PRRC2B: variants seen among roughly 807,000 people sequenced by gnomAD.
PRRC2B encodes the protein proline rich coiled-coil 2B.
In PRRC2B, 68 loss-of-function variants were observed where a neutral mutation model predicts 242.3. The ratio of observed to expected loss-of-function variants is 0.28; its 90% CI spans 0.23 to 0.34. The LOEUF is 0.34. Among genes scored for constraint, PRRC2B ranks in the 10% least tolerant of loss-of-function variants. PRRC2B has a pLI of 1.00. For synonymous variants in PRRC2B, 1,228 were observed against 1,173.6 expected (o/e 1.05, Z -0.95); for missense variants, 2,835 against 2,954.8 (o/e 0.96, Z 0.94).
At position 131,474,342 on chromosome 9, in the gene PRRC2B, TGTTTTA is replaced by T. The variant is rs552940275; in HGVS notation, c.2325-106_2325-101del. 2.6e-4 allele frequency: 226 copies of T among 870,792 alleles called. 1 individual carries two copies. Among genetic ancestry groups the T allele is most frequent in the Admixed American group, 1.4e-3 (49 of 35,794 alleles). 53.9% of individuals were successfully genotyped at this position (870,792 alleles called of 1,614,324 possible). ...TTTTTCTAGCTTTCTTTTTAAAAAG[TGTTTTA>T]GTTTTTGTTTTTGTTTTTTCTTTTT... On this transcript the variant is annotated intron_variant, in intron 15 of 31. Coordinates refer to ENST00000683519, the MANE Select transcript of PRRC2B (RefSeq NM_013318.4).
intron 28 of PRRC2B, among the ~76,000 whole-genome samples, chr9:131,488,723 CTCT>C (rs1944098397): frequency 6.6e-6 from 1 of 152,146 alleles, no homozygotes; most frequent in Admixed American, 6.5e-5. Flanking sequence ...TTCTAGACTC[CTCT>C]TCTTCCTTCC....
At chr9:131,405,899 G>GT (rs1479885259) in intron 1 of PRRC2B, among the ~76,000 whole-genome samples, 1 of 152,166 alleles carries the variant, frequency 6.6e-6, no homozygotes, top group African/African-American at 2.4e-5. Flanking sequence ...TAGAAGCTGG[G>GT]TGACCTGGGG....
chr9:131,488,119 C>T (rs1446558884), intron 28 of PRRC2B, 23 bp downstream of exon 28: 2 of 1,604,866 alleles, frequency 1.2e-6, no homozygotes, highest in East Asian at 2.2e-5. Flanking sequence ...GTCACTCTAC[C>T]CAAAGCCCTA....
chr9:131,390,562 A>T (rs1163176731), upstream of PRRC2B, among the ~76,000 whole-genome samples: 3 of 128,866 alleles, frequency 2.3e-5, no homozygotes, highest in African/African-American at 8.6e-5. Context: ...AGCTCAGTGC[A>T]AGCTCTGCCT....
chr9:131,405,857 G>A (rs2131290115), intron 1 of PRRC2B, among the ~76,000 whole-genome samples: 1 of 152,302 alleles, frequency 6.6e-6, no homozygotes, highest in Non-Finnish European at 1.5e-5. Flanking sequence ...CTGCTTTGGG[G>A]TCAGCTGCCT....
At chr9:131,459,474 A>G in intron 11 of PRRC2B, 118 bp downstream of exon 11, 30 of 958,616 alleles carry the variant, frequency 3.1e-5, no homozygotes, top group Non-Finnish European at 4.3e-5. Context: ...CTTTTGTTAA[A>G]ATGTTTTTTC....
chr9:131,470,895 G>A lies in PRRC2B; in HGVS notation c.2019G>A (p.Arg673=). Residue 673 remains arginine, a synonymous_variant, in exon 14 of 32, where the codon AGG becomes AGA. Transcript: ENST00000683519. ...CCCAGATGTTGGGCTTCGATCCCAGGTGGATGATGATGCCTTCCTACATGG... is the reference window on the plus strand; with the variant it reads ...CCCAGATGTTGGGCTTCGATCCCAGATGGATGATGATGCCTTCCTACATGG... ...HHPQMLGFDP[R]WMMMPSYMDP... is the part of the protein sequence containing the mutation. The A allele has an allele frequency of 6.2e-7, 1 of 1,611,582 alleles. No homozygotes were observed. Among genetic ancestry groups the A allele is most frequent in the Admixed American group, 1.7e-5 (1 of 59,578 alleles).
At chr9:131,438,008 C>G (rs761412019) in intron 4 of PRRC2B, among the ~76,000 whole-genome samples, 4 of 152,182 alleles carry the variant, frequency 2.6e-5, no homozygotes, top group African/African-American at 4.8e-5. Context: ...CATCCTGGCA[C>G]TGGCACAGGG....
chr9:131,442,456 C>T (rs115837441), intron 5 of PRRC2B, among the ~76,000 whole-genome samples: 15 of 152,250 alleles, frequency 9.9e-5, no homozygotes, highest in African/African-American at 3.6e-4. Context: ...ACTGGAGCTC[C>T]TTCATGACAC....
intron 1 of PRRC2B, among the ~76,000 whole-genome samples, chr9:131,404,330 C>T (rs913591909): frequency 5.9e-5 from 9 of 151,710 alleles, no homozygotes; most frequent in Non-Finnish European, 1.3e-4. Context: ...AGCAATTCTT[C>T]TGCCTCAGCC....
In PRRC2B at chr9:131,482,366, C is replaced by T. The variant is rs780309363; in HGVS notation, c.4984-5C>T. 4.5e-6 allele frequency: 7 copies of T among 1,571,972 alleles called. No homozygotes were observed. In the East Asian group the frequency reaches 1.1e-4, roughly 25 times the overall value. On this transcript the variant is annotated splice_region_variant and splice_polypyrimidine_tract_variant and intron_variant, in intron 20 of 31. Transcript: ENST00000683519. This position sits in a 1 kb window ranked among gnomAD's most constrained non-coding sequence, Gnocchi z 5.2. Reference sequence around the variant, plus strand: ...AGGCTATAACCCATTTTGTGCTCTGCACAGCAGGGTTTTAAGAGCAGCCAG... The same window carrying T: ...AGGCTATAACCCATTTTGTGCTCTGTACAGCAGGGTTTTAAGAGCAGCCAG...
At chr9:131,440,027 A>C (rs1323457267) in intron 5 of PRRC2B, among the ~76,000 whole-genome samples, 1 of 151,806 alleles carries the variant, frequency 6.6e-6, no homozygotes, top group African/African-American at 2.4e-5. Flanking sequence ...GGCTGGGATC[A>C]CAGGCGCATG....
At chr9:131,420,503 T>TCTTCCTTTCTTCC (rs1465337298) in intron 1 of PRRC2B, among the ~76,000 whole-genome samples, 1 of 93,812 alleles carries the variant, frequency 1.1e-5, no homozygotes, top group African/African-American at 4.3e-5. Context: ...CTTTTTTTTT[T>TCTTCCTTTCTTCC]TTTTTTTGAG....
chr9:131,474,663 G>T lies in PRRC2B; in HGVS notation c.2534G>T (p.Gly845Val), dbSNP rs779330538. ...ENVQDAGAPG[G>V]HTQNLRCSPL... is the part of the protein sequence containing the mutation. ...GTTCAGGATGCAGGTGCTCCTGGGGGTCACACCCAAAACCTCAGGTGTTCC... is the reference window on the plus strand; with the variant it reads ...GTTCAGGATGCAGGTGCTCCTGGGGTTCACACCCAAAACCTCAGGTGTTCC... The change falls in exon 16 of 32, where the codon GGT becomes GTT. Residue 845 changes from glycine to valine, a missense_variant. Around this residue, in one of 7 missense-constraint regions of PRRC2B, gnomAD observed 1,536 missense variants for 1,483.1 expected, o/e 1.04. Coordinates refer to ENST00000683519, the MANE Select transcript of PRRC2B (RefSeq NM_013318.4). 6.2e-7 allele frequency: 1 copy of T among 1,613,610 alleles called. No homozygotes were observed. The highest frequency in any genetic ancestry group is 8.5e-7 in the Non-Finnish European group (1 of 1,179,744).
chr9:131,412,461 C>T (rs1470851747), intron 1 of PRRC2B, among the ~76,000 whole-genome samples: 2 of 151,878 alleles, frequency 1.3e-5, no homozygotes, highest in South Asian at 2.1e-4. Flanking sequence ...TGCCACAGTG[C>T]GGGTATGTGC....
At chr9:131,423,246 G>T (rs368259783) in intron 1 of PRRC2B, among the ~76,000 whole-genome samples, 4 of 152,212 alleles carry the variant, frequency 2.6e-5, no homozygotes, top group East Asian at 3.8e-4. Flanking sequence ...AGACCTAGGG[G>T]TGAGTCAGAG....
At chr9:131,477,688 G>A (rs1035133165) in intron 16 of PRRC2B, 56 bp from the exon 17 acceptor site, 6 of 1,055,548 alleles carry the variant, frequency 5.7e-6, no homozygotes, top group African/African-American at 1.6e-5. Context: ...GTGTGCACGT[G>A]CGGTGTTTTC....
Position 131,459,831 on chromosome 9 carries a change from A to G in PRRC2B, c.1404+475A>G, listed in dbSNP as rs150672826. The stretch of plus-strand genomic sequence containing the variant: ...TGAGATTATAGGCATGAGGCACTGT[A>G]TTTGTCTTCTTGTTATAGTTAAAAA... On this transcript the variant is annotated intron_variant, in intron 11 of 31. Coordinates refer to ENST00000683519, the MANE Select transcript of PRRC2B (RefSeq NM_013318.4). 3.7e-3 allele frequency among the ~76,000 whole-genome samples: 556 copies of G among 151,726 alleles called. 2 individuals carry two copies. The highest frequency in any genetic ancestry group is 0.013 in the African/African-American group (540 of 41,384).
At chr9:131,389,922 TTTTTG>T (rs1189952202), upstream of PRRC2B, among the ~76,000 whole-genome samples, 2 of 129,674 alleles carry the variant, frequency 1.5e-5, no homozygotes, top group African/African-American at 2.9e-5. Context: ...GTTGTTTTTT[TTTTTG>T]TTTTTTTTTT....
Sources: allele counts gnomAD v4.1 joint callset (sites outside exome capture counted in the v4.1 genomes callset), GRCh38; gene constraint gnomAD v4.1.1; regional missense constraint gnomAD v4.1.1; non-coding constraint Gnocchi (gnomAD v3.1); transcripts MANE v1.5; gene names NCBI Gene and HGNC (gene_info 2026-07-23, HGNC 2026-07-21).